Variants in PDE1C observed in about 807,000 individuals in gnomAD.
The protein encoded by PDE1C is dual specificity calcium/calmodulin-dependent 3',5'-cyclic nucleotide phosphodiesterase 1C.
In PDE1C, 62 loss-of-function variants were observed where a neutral mutation model predicts 93.1. The ratio of observed to expected loss-of-function variants is 0.67; its 90% CI spans 0.54 to 0.82. The LOEUF is 0.82. Ranked by LOEUF, PDE1C falls within the 40% of genes least tolerant of loss-of-function variation. The probability of loss-of-function intolerance (pLI) is 0.00; values close to 1 mark genes in which losing one functional copy is unlikely to be tolerated. For synonymous variants in PDE1C, 325 were observed against 310.1 expected (o/e 1.05, Z -0.50); for missense variants, 742 against 884.6 (o/e 0.84, Z 2.04).
At chr7:32,180,719 A>G (rs1339835401) in intron 2 of PDE1C, among the ~76,000 whole-genome samples, 1 of 152,240 alleles carries the variant, frequency 6.6e-6, no homozygotes, top group African/African-American at 2.4e-5. Context: ...GGCGTAAGAC[A>G]CTTGGCAGAT....
intron 1 of PDE1C, among the ~76,000 whole-genome samples, chr7:32,065,248 T>A (rs760001843): frequency 9.9e-5 from 15 of 152,156 alleles, no homozygotes; most frequent in Non-Finnish European, 1.8e-4. Flanking sequence ...TTGCCAGTAG[T>A]CCCTAAGAAC....
chr7:31,947,507 CT>C lies in PDE1C; in HGVS notation c.129-66648del, dbSNP rs56827527. 3.2e-3 allele frequency among the ~76,000 whole-genome samples: 489 copies of C among 152,244 alleles called. 3 individuals carry two copies. Among genetic ancestry groups the C allele is most frequent in the African/African-American group, 0.011 (470 of 41,542 alleles). ...CTTTGGGGCCAAGTTAGGCTGGGTC[CT>C]TTTTATTTCCAAAGGCTGGCTATGC... On this transcript the variant is annotated intron_variant, in intron 2 of 17. Transcript: ENST00000396191.
At chr7:31,884,604 C>T (rs2128885776) in intron 2 of PDE1C, among the ~76,000 whole-genome samples, 1 of 152,180 alleles carries the variant, frequency 6.6e-6, no homozygotes. Context: ...TTCCAGATGC[C>T]CCTTTCAAAT....
chr7:31,897,228 G>A (rs543284639), intron 2 of PDE1C, among the ~76,000 whole-genome samples: 288 of 152,306 alleles, frequency 1.9e-3, no homozygotes, highest in Non-Finnish European at 3.6e-3. Context: ...GCTGATGCAG[G>A]TGCAGTCAGG....
intron 2 of PDE1C, among the ~76,000 whole-genome samples, chr7:31,918,006 T>G (rs1802142936): frequency 6.6e-6 from 1 of 152,170 alleles, no homozygotes; most frequent in South Asian, 2.1e-4. Flanking sequence ...ACATTTAGTA[T>G]TGAAGGCCAT....
intron 3 of PDE1C, among the ~76,000 whole-genome samples, chr7:32,107,466 A>T (rs934515193): frequency 1.3e-5 from 2 of 152,208 alleles, no homozygotes; most frequent in Admixed American, 1.3e-4. Flanking sequence ...CCCTGTAAGC[A>T]AGAAGAAAGA....
In PDE1C at chr7:31,794,077, C is replaced by CAGATAGATAGATAGAT. The variant is rs1196325805; in HGVS notation, c.1891+14953_1891+14954insATCTATCTATCTATCT. Among the ~76,000 whole-genome samples, 175 of 135,146 alleles carry CAGATAGATAGATAGAT rather than the reference C, an allele frequency of 1.3e-3. 1 individual carries two copies. The highest frequency in any genetic ancestry group is 7.5e-3 in the Middle Eastern group (2 of 266). 88.7% of individuals were successfully genotyped at this position (135,146 alleles called of 152,430 possible). A position where few individuals can be genotyped will look rare whatever the true frequency, so the allele number is the denominator to read the frequency against. The stretch of plus-strand genomic sequence containing the variant: ...ACAGACAGACAGACAGACAGACAGA[C>CAGATAGATAGATAGAT]AGACAGACAGACAGATAGATAGACA... On this transcript the variant is annotated intron_variant, in intron 16 of 17. Transcript: ENST00000396191.
At chr7:32,322,795 A>G (rs1003678393) in intron 1 of PDE1C, among the ~76,000 whole-genome samples, 67 of 151,956 alleles carry the variant, frequency 4.4e-4, no homozygotes, top group African/African-American at 4.8e-4. Flanking sequence ...TTGTATTTTT[A>G]GTAAAGACGG....
intron 3 of PDE1C, among the ~76,000 whole-genome samples, chr7:32,078,773 A>T (rs901547574): frequency 4.6e-5 from 7 of 152,102 alleles, no homozygotes; most frequent in African/African-American, 9.7e-5. Context: ...AAAAATTTTT[A>T]AAAATTAGCC....
intron 3 of PDE1C, among the ~76,000 whole-genome samples, chr7:32,087,546 G>A (rs1431799526): frequency 2.6e-5 from 4 of 152,070 alleles, no homozygotes; most frequent in Non-Finnish European, 5.9e-5. Flanking sequence ...AAAGACACAT[G>A]CACACGTATG....
intron 3 of PDE1C, among the ~76,000 whole-genome samples, chr7:32,147,239 AAAAG>A (rs1800898878): frequency 7.8e-6 from 1 of 128,886 alleles, no homozygotes; most frequent in Non-Finnish European, 1.6e-5. Context: ...TGGTAAATAA[AAAAG>A]AAAGAAAGAA....
chr7:31,960,765 T>C (rs1308518064), intron 2 of PDE1C, among the ~76,000 whole-genome samples: 1 of 152,148 alleles, frequency 6.6e-6, no homozygotes, highest in African/African-American at 2.4e-5. Context: ...AAAAAGTAAG[T>C]AAAATAAATA....
At chr7:31,758,647 G>A (rs1482069375) in intron 17 of PDE1C, among the ~76,000 whole-genome samples, 1 of 152,136 alleles carries the variant, frequency 6.6e-6, no homozygotes, top group Admixed American at 6.5e-5. Context: ...GCAGCAAATG[G>A]CTCTGTTGTT....
intron 1 of PDE1C, among the ~76,000 whole-genome samples, chr7:32,424,406 A>G (rs1485536912): frequency 1.3e-5 from 2 of 152,066 alleles, no homozygotes; most frequent in Non-Finnish European, 2.9e-5. Flanking sequence ...ATACTCTGAC[A>G]CCTCCCTTCC....
chr7:32,401,328 G>A (rs183151911), intron 1 of PDE1C, among the ~76,000 whole-genome samples: 226 of 152,252 alleles, frequency 1.5e-3, no homozygotes, highest in African/African-American at 5.2e-3. Flanking sequence ...CATGAGGTCA[G>A]GAGATCGAGA....
At chr7:31,636,195 C>T in the PDE1C span, among the ~76,000 whole-genome samples, 1 of 152,110 alleles carries the variant, frequency 6.6e-6, no homozygotes, top group Non-Finnish European at 1.5e-5. Flanking sequence ...CCTCCCATGA[C>T]ATGTGGGGAT....
intron 1 of PDE1C, chr7:32,052,213 A>C: frequency 2.3e-6 from 1 of 443,514 alleles, no homozygotes; most frequent in South Asian, 1.6e-5. Flanking sequence ...GTTGAGAACC[A>C]GCATTAGGAA....
chr7:31,902,858 A>C (rs1800154553), intron 2 of PDE1C, among the ~76,000 whole-genome samples: 1 of 151,568 alleles, frequency 6.6e-6, no homozygotes, highest in Admixed American at 6.6e-5. Flanking sequence ...ATATTGAGTG[A>C]AATGGGTAGG....
chr7:31,837,219 A>T lies in PDE1C; in HGVS notation c.1164T>A (p.His388Gln), dbSNP rs755918061. The change falls in exon 11 of 18, where the codon CAT becomes CAA. Residue 388 changes from histidine (H) to glutamine (Q), a missense_variant. His to Gln is a conservative substitution (Grantham distance 24). This residue lies in a region of PDE1C where 454 missense variants were observed against 459.4 expected (regional missense o/e 0.99). Transcript: ENST00000396191. ...CCTCCAGGAGTGACATTGTCCAGCG[A>T]TGATGGAGGTCCCATGCTTTTGCTG... ...SHPAKAWDLH[H>Q]RWTMSLLEEF... 1.9e-6 allele frequency: 3 copies of T among 1,613,728 alleles called. No homozygotes were observed. The highest frequency in any genetic ancestry group is 1.7e-5 in the Admixed American group (1 of 59,982).
Sources: gnomAD v4.1 joint callset for allele counts (sites outside exome capture counted in the v4.1 genomes callset) on GRCh38, gnomAD v4.1.1 for gene constraint, gnomAD v4.1.1 regional missense constraint, MANE v1.5 for transcripts, NCBI Gene and HGNC (gene_info 2026-07-23, HGNC 2026-07-21) for gene names.